The following YLPM1 variants were observed in gnomAD, a reference collection of about 807,000 sequenced individuals.
The protein encoded by YLPM1 is YLP motif containing 1.
In YLPM1, 99 loss-of-function variants were observed where a neutral mutation model predicts 230.0. The observed-to-expected ratio is 0.43, with a 90% CI of 0.37 to 0.51. The LOEUF is 0.51. YLPM1 is among the 20% of genes least tolerant of loss of function. The probability of loss-of-function intolerance (pLI) is 0.00; values close to 1 mark genes in which losing one functional copy is unlikely to be tolerated. For missense variants in YLPM1, 2,592 were observed against 2,707.7 expected (o/e 0.96, Z 0.95); for synonymous variants, 984 against 942.5 (o/e 1.04, Z -0.81).
rs1425408760 is a variant in YLPM1, at chr14:74,816,566, C to G, written c.5566-5C>G. On this transcript the variant is annotated splice_region_variant and splice_polypyrimidine_tract_variant and intron_variant, in intron 12 of 20. Transcript: ENST00000325680. ...TTTTAACCTTCTTGACTGTATGATTCTTAGGATAAGGAGGTAGAATTTGGA... is the reference window on the plus strand; with the variant it reads ...TTTTAACCTTCTTGACTGTATGATTGTTAGGATAAGGAGGTAGAATTTGGA... 6.2e-6 allele frequency: 10 copies of G among 1,610,238 alleles called. No individual in the cohort carries two copies. The highest frequency in any genetic ancestry group is 8.5e-6 in the Non-Finnish European group (10 of 1,178,788).
At chr14:74,824,059 T>C in intron 17 of YLPM1, 197 bp from the exon 18 acceptor site, 1 of 573,966 alleles carries the variant, frequency 1.7e-6, no homozygotes, top group South Asian at 2.2e-5. Context: ...CTCTGAAATG[T>C]GGACAGTGAA....
rs1347420425 is a variant in YLPM1, at chr14:74,797,817, C to G, written c.2520C>G (p.Pro840=). The change falls in exon 5 of 21, where the codon CCC becomes CCG. Residue 840 remains proline, a synonymous_variant. Coordinates refer to ENST00000325680, the MANE Select transcript of YLPM1 (RefSeq NM_019589.3). ...PRQSGPQWKG[P]KPAFGQQHQQ... ...AGAGTGGACCACAGTGGAAAGGCCC[C>G]AAACCAGCTTTTGGACAGCAGCATC... is the stretch of plus-strand genomic sequence containing the variant. 1 of 1,613,950 alleles carries G rather than the reference C, an allele frequency of 6.2e-7. No homozygotes were observed. The highest frequency in any genetic ancestry group is 8.5e-7 in the Non-Finnish European group (1 of 1,179,888).
At position 74,829,570 on chromosome 14, in the gene YLPM1, A is replaced by G. The variant is rs187144688; in HGVS notation, c.6294+227A>G. ...ACCTCACATGGCTAGCACGTTGTCAACCTTAAAGGCATTGGGAGTGGCCAG... is the reference window on the plus strand; with the variant it reads ...ACCTCACATGGCTAGCACGTTGTCAGCCTTAAAGGCATTGGGAGTGGCCAG... On this transcript the variant is annotated intron_variant, in intron 19 of 20. Transcript: ENST00000325680. 1.7e-3 allele frequency among the ~76,000 whole-genome samples: 261 copies of G among 152,304 alleles called. 3 individuals carry two copies. Among genetic ancestry groups the G allele is most frequent in the Middle Eastern group, 0.014 (4 of 294 alleles).
At chr14:74,825,492 A>G (rs572456723) in intron 18 of YLPM1, among the ~76,000 whole-genome samples, 9 of 152,118 alleles carry the variant, frequency 5.9e-5, no homozygotes, top group Admixed American at 1.3e-4. Context: ...ATAATAACCA[A>G]TTGTCATCTT....
chr14:74,778,388 C>T, intron 1 of YLPM1, 59 bp from the exon 2 acceptor site: 1 of 1,465,608 alleles, frequency 6.8e-7, no homozygotes, highest in South Asian at 1.3e-5. Flanking sequence ...CTTGTCAACA[C>T]CAAGTTGCAG....
At chr14:74,819,118 G>T (rs2091501159) in intron 16 of YLPM1, among the ~76,000 whole-genome samples, 1 of 152,118 alleles carries the variant, frequency 6.6e-6, no homozygotes, top group Admixed American at 6.6e-5. Context: ...TCTGTAGGGA[G>T]ATACTCTTAA....
In YLPM1 at chr14:74,769,197, C is replaced by G. The variant is rs1156600692; in HGVS notation, c.873+4835C>G. Among the ~76,000 whole-genome samples, 6 of 149,176 alleles carry G rather than the reference C, an allele frequency of 4.0e-5. No homozygotes were observed. The East Asian group carries it at 1.2e-3, about 29-fold the overall frequency. The stretch of plus-strand genomic sequence containing the variant: ...TTTAAGCAATTTTCTGCCTCAGCCT[C>G]CCTAGTAACTGGGATTACAGGTGCC... On this transcript the variant is annotated intron_variant, in intron 1 of 20. Coordinates refer to ENST00000325680, the MANE Select transcript of YLPM1 (RefSeq NM_019589.3).
chr14:74,772,627 G>A (rs1400653473), intron 1 of YLPM1, among the ~76,000 whole-genome samples: 1 of 152,110 alleles, frequency 6.6e-6, no homozygotes, highest in Non-Finnish European at 1.5e-5. Flanking sequence ...AAAGTGCTGG[G>A]ATTACAGATG....
At position 74,763,973 on chromosome 14, in the gene YLPM1, C is replaced by G; in HGVS notation, c.484C>G (p.Gln162Glu). ...VPPGSYMPPS[Q>E]SYMPPPQPPP... ...GCCTGGGTCCTATATGCCCCCATCTCAGTCTTACATGCCCCCACCTCAGCC... is the reference window on the plus strand; with the variant it reads ...GCCTGGGTCCTATATGCCCCCATCTGAGTCTTACATGCCCCCACCTCAGCC... Residue 162 changes from glutamine to glutamate, a missense_variant, in exon 1 of 21, where the codon CAG (glutamine) becomes GAG (glutamate). By Grantham distance (29) the Gln-to-Glu change is conservative (BLOSUM62 2). This residue lies in a region of YLPM1 where 1,862 missense variants were observed against 1,819.8 expected (regional missense o/e 1.02). Coordinates refer to ENST00000325680, the MANE Select transcript of YLPM1 (RefSeq NM_019589.3). The G allele has an allele frequency of 3.4e-6, 5 of 1,450,254 alleles. No homozygotes were observed. The highest frequency in any genetic ancestry group is 4.6e-6 in the Non-Finnish European group (5 of 1,082,506). The allele number at this position is 1,450,254 out of a possible 1,614,324, so 89.8% of individuals were successfully genotyped here.
At position 74,798,660 on chromosome 14, in the gene YLPM1, GAGGGGACCTCTTCGA is replaced by G. The variant is rs763001779; in HGVS notation, c.3368_3382del (p.Gly1123_Arg1127del). ...CACCTCGGAGGGCTGGCAGTCAGGA[GAGGGGACCTCTTCGA>G]AGGGCTGGGAGTAGAGAGAGAATAC... On this transcript the variant is annotated inframe_deletion, in exon 5 of 21. Transcript: ENST00000325680. 6.2e-7 allele frequency: 1 copy of G among 1,611,992 alleles called. No individual in the cohort carries two copies. Among genetic ancestry groups the G allele is most frequent in the Non-Finnish European group, 8.5e-7 (1 of 1,178,714 alleles).
intron 19 of YLPM1, among the ~76,000 whole-genome samples, chr14:74,833,533 G>A (rs2091623188): frequency 6.6e-6 from 1 of 152,176 alleles, no homozygotes; most frequent in South Asian, 2.1e-4. Context: ...AGTTATAGGT[G>A]TAAGCCACTG....
chr14:74,835,666 A>G, intron 20 of YLPM1, 109 bp from the exon 21 acceptor site: 1 of 454,756 alleles, frequency 2.2e-6, no homozygotes, highest in Non-Finnish European at 4.0e-6. Context: ...ACCTTGAGAA[A>G]AACTTGAATT....
intron 1 of YLPM1, among the ~76,000 whole-genome samples, 169 bp downstream of exon 1, chr14:74,764,531 A>G (rs938783445): frequency 2.0e-5 from 3 of 152,224 alleles, no homozygotes; most frequent in Non-Finnish European, 2.9e-5. Flanking sequence ...TTAATTAGCT[A>G]GATGTGAATT....
At chr14:74,769,209 G>T (rs1008990369) in intron 1 of YLPM1, among the ~76,000 whole-genome samples, 1 of 146,366 alleles carries the variant, frequency 6.8e-6, no homozygotes, top group African/African-American at 2.5e-5. Flanking sequence ...CTAGTAACTG[G>T]GATTACAGGT....
At chr14:74,772,763 T>A (rs1422374277) in intron 1 of YLPM1, among the ~76,000 whole-genome samples, 1 of 152,162 alleles carries the variant, frequency 6.6e-6, no homozygotes, top group Non-Finnish European at 1.5e-5. Context: ...CCATATGAAA[T>A]GGAGTTATCT....
chr14:74,767,355 T>G (rs781643147), intron 1 of YLPM1, among the ~76,000 whole-genome samples: 1 of 152,208 alleles, frequency 6.6e-6, no homozygotes, highest in African/African-American at 2.4e-5. Context: ...CTCAACAGTG[T>G]TGTTGTTTTC....
intron 6 of YLPM1, among the ~76,000 whole-genome samples, 188 bp downstream of exon 6, chr14:74,802,864 T>C (rs1460830953): frequency 6.6e-6 from 1 of 152,194 alleles, no homozygotes; most frequent in African/African-American, 2.4e-5. Flanking sequence ...GTGGTAGAGA[T>C]GCTCCTTTTC....
chr14:74,835,333 A>G lies in YLPM1; in HGVS notation c.6363A>G (p.Gly2121=). 1 of 1,613,822 alleles carries G rather than the reference A, an allele frequency of 6.2e-7. No homozygotes were observed. The highest frequency in any genetic ancestry group is 1.3e-5 in the African/African-American group (1 of 75,026). Residue 2121 remains glycine, a synonymous_variant, in exon 20 of 21, where the codon GGA becomes GGG. Coordinates refer to ENST00000325680, the MANE Select transcript of YLPM1 (RefSeq NM_019589.3). The stretch of plus-strand genomic sequence containing the variant: ...AAAGGGCCATAGGTTTTGTGGTCGG[A>G]CAGACTGATTGGGAGAAGATCACAG... ...DRKRAIGFVV[G]QTDWEKITDE...
chr14:74,793,640 A>G (rs534911165), intron 4 of YLPM1, among the ~76,000 whole-genome samples: 36 of 152,242 alleles, frequency 2.4e-4, no homozygotes, highest in Non-Finnish European at 5.0e-4. Flanking sequence ...ATATCTAGCA[A>G]TCCTTGGCTG....
Sources: allele counts gnomAD v4.1 joint callset (sites outside exome capture counted in the v4.1 genomes callset), GRCh38; gene constraint gnomAD v4.1.1; regional missense constraint gnomAD v4.1.1; transcripts MANE v1.5; gene names NCBI Gene and HGNC (gene_info 2026-07-23, HGNC 2026-07-21).